Variants in TSPAN8 observed in about 807,000 individuals in gnomAD.
The protein encoded by TSPAN8 is tetraspanin-8.
TSPAN8 carries 21 observed loss-of-function variants against 32.8 expected under a neutral mutation model. The ratio of observed to expected loss-of-function variants is 0.64; its 90% CI spans 0.45 to 0.92. The LOEUF (loss-of-function observed/expected upper bound fraction) is 0.92. Among genes scored for constraint, TSPAN8 ranks in the 40% least tolerant of loss-of-function variants. The probability of loss-of-function intolerance (pLI) is 0.00; values close to 1 mark genes in which losing one functional copy is unlikely to be tolerated. For synonymous variants in TSPAN8, 95 were observed against 94.6 expected (o/e 1.00, Z -0.03); for missense variants, 269 against 281.9 (o/e 0.95, Z 0.33).
intron 7 of TSPAN8, among the ~76,000 whole-genome samples, chr12:71,129,786 A>T (rs1310277417): frequency 1.3e-5 from 2 of 152,164 alleles, no homozygotes; most frequent in African/African-American, 4.8e-5. Flanking sequence ...AAAAGTATAA[A>T]TCATAATTTT....
intron 2 of TSPAN8, among the ~76,000 whole-genome samples, chr12:71,153,890 A>C (rs911561405): frequency 6.6e-6 from 1 of 152,222 alleles, no homozygotes. Flanking sequence ...TGTAAATCCG[A>C]CCACATATGC....
Position 71,157,801 on chromosome 12 carries a change from A to G in TSPAN8, c.-109-14T>C. The G allele has an allele frequency of 5.5e-6, 4 of 724,994 alleles. No homozygotes were observed. The highest frequency in any genetic ancestry group is 3.4e-5 in the South Asian group (2 of 59,600). The allele number at this position is 724,994 out of a possible 1,614,324, so 44.9% of individuals were successfully genotyped here. ...CTGTATCCACGGCTTCAGAGCAGAA[A>G]GAGAAAGCAAAGAAGTAGAGGGAGG... On this transcript the variant is annotated splice_polypyrimidine_tract_variant and intron_variant, in intron 1 of 8. Transcript: ENST00000247829.
Position 71,157,707 on chromosome 12 carries a change from C to T in TSPAN8, c.-29G>A, listed in dbSNP as rs186972804. ...GGAAAAGGATTAGGAATCCAGATGC[C>T]GTGAATTTAACTATTCGTTACAGGC... On this transcript the variant is annotated 5_prime_UTR_variant, in exon 2 of 9. Transcript: ENST00000247829. 296 of 1,582,700 alleles carry T rather than the reference C, an allele frequency of 1.9e-4. 2 individuals are homozygous for T. The African/African-American group carries it at 3.5e-3, about 19-fold the overall frequency.
chr12:71,129,447 C>T lies in TSPAN8; in HGVS notation c.577-33G>A, dbSNP rs754203583. On this transcript the variant is annotated intron_variant, in intron 7 of 8. Coordinates refer to ENST00000247829, the MANE Select transcript of TSPAN8 (RefSeq NM_004616.3). The stretch of plus-strand genomic sequence containing the variant: ...AAAAAAAAAACATTAAAAGTTACCT[C>T]TCAGAAAAATTCGACCTTATATTAA... 5.3e-5 allele frequency: 82 copies of T among 1,533,274 alleles called. 1 individual carries two copies. The highest frequency in any genetic ancestry group is 6.1e-6 in the Non-Finnish European group (7 of 1,143,760). The allele number at this position is 1,533,274 out of a possible 1,614,324, so 95.0% of individuals were successfully genotyped here.
intron 5 of TSPAN8, 22 bp from the exon 6 acceptor site, chr12:71,138,082 A>T (rs1871770693): frequency 6.2e-7 from 1 of 1,612,208 alleles, no homozygotes; most frequent in Non-Finnish European, 8.5e-7. Context: ...AAAGTATTTT[A>T]CATTATTCAC....
intron 2 of TSPAN8, among the ~76,000 whole-genome samples, chr12:71,148,208 C>G (rs909679047): frequency 9.9e-5 from 15 of 152,122 alleles, no homozygotes. Context: ...TCCATTTTTA[C>G]TTATACCTTA....
At chr12:71,141,924 G>C (rs1224084278) in intron 3 of TSPAN8, among the ~76,000 whole-genome samples, 1 of 152,170 alleles carries the variant, frequency 6.6e-6, no homozygotes, top group African/African-American at 2.4e-5. Flanking sequence ...CCTGGGACAA[G>C]GATGGCTGCT....
At position 71,157,967 on chromosome 12, in the gene TSPAN8, T is replaced by C; in HGVS notation, c.-147A>G. 2.7e-6 allele frequency: 1 copy of C among 376,150 alleles called. No individual in the cohort carries two copies. The highest frequency in any genetic ancestry group is 4.9e-5 in the South Asian group (1 of 20,240). 23.3% of individuals were successfully genotyped at this position (376,150 alleles called of 1,614,324 possible). A position where few individuals can be genotyped will look rare whatever the true frequency, so the allele number is the denominator to read the frequency against. ...CGCAAAGGCTATCTCCAGGCAAGTA[T>C]GTTCCTTTGCTTGTCATAGCTCCTG... On this transcript the variant is annotated 5_prime_UTR_variant, in exon 1 of 9. Coordinates refer to ENST00000247829, the MANE Select transcript of TSPAN8 (RefSeq NM_004616.3).
chr12:71,132,954 C>T (rs2137048078), intron 6 of TSPAN8, 130 bp from the exon 7 acceptor site: 1 of 1,084,586 alleles, frequency 9.2e-7, no homozygotes, highest in Non-Finnish European at 1.3e-6. Flanking sequence ...AGTCACCTTT[C>T]ACCTTTCTCT....
At position 71,125,383 on chromosome 12, in the gene TSPAN8, A is replaced by C. The variant is rs1424716198; in HGVS notation, c.665T>G (p.Leu222Arg). ...CAGGACCATAGAAAACACCAAACCCAGTATCTAGAGAACAAAATAACAGGA... is the reference window on the plus strand; with the variant it reads ...CAGGACCATAGAAAACACCAAACCCCGTATCTAGAGAACAAAATAACAGGA... ...ISFGLAVIEI[L>R]GLVFSMVLYC... The change falls in exon 9 of 9, where the codon CTG becomes CGG. Residue 222 changes from leucine (L) to arginine (R), a missense_variant. Leu to Arg is a moderately radical substitution (Grantham distance 102, BLOSUM62 -2). Transcript: ENST00000247829. The C allele has an allele frequency of 2.5e-6, 4 of 1,611,854 alleles. No homozygotes were observed. Among genetic ancestry groups the C allele is most frequent in the Non-Finnish European group, 2.5e-6 (3 of 1,179,152 alleles).
chr12:71,142,096 C>A (rs1408726285), intron 3 of TSPAN8, among the ~76,000 whole-genome samples: 1 of 152,140 alleles, frequency 6.6e-6, no homozygotes, highest in Non-Finnish European at 1.5e-5. Flanking sequence ...TTTTCACTAA[C>A]AAAAAATTCA....
intron 8 of TSPAN8, among the ~76,000 whole-genome samples, chr12:71,126,568 CA>C (rs1485711331): frequency 2.0e-5 from 3 of 151,126 alleles, no homozygotes; most frequent in African/African-American, 4.9e-5. Context: ...TATGATTGTT[CA>C]AAAAAAAGCA....
chr12:71,131,034 A>G (rs1871504672), intron 7 of TSPAN8, among the ~76,000 whole-genome samples: 1 of 152,182 alleles, frequency 6.6e-6, no homozygotes, highest in African/African-American at 2.4e-5. Flanking sequence ...TTTTAGAATA[A>G]TTCCAGGGGC....
intron 6 of TSPAN8, among the ~76,000 whole-genome samples, chr12:71,134,028 T>C (rs1871603907): frequency 6.6e-6 from 1 of 152,196 alleles, no homozygotes. Flanking sequence ...ATTTATTTAT[T>C]ACATTAATAA....
chr12:71,142,388 T>C (rs1871929538), intron 3 of TSPAN8, among the ~76,000 whole-genome samples: 1 of 152,116 alleles, frequency 6.6e-6, no homozygotes, highest in Non-Finnish European at 1.5e-5. Flanking sequence ...ACCAAATTTG[T>C]TTACCAGAAG....
chr12:71,157,529 T>G, intron 2 of TSPAN8, 90 bp downstream of exon 2: 1 of 860,452 alleles, frequency 1.2e-6, no homozygotes, highest in Non-Finnish European at 1.9e-6. Flanking sequence ...TTCTCTTATT[T>G]CTCTAGTGTA....
At chr12:71,128,931 T>C (rs568847631) in intron 8 of TSPAN8, among the ~76,000 whole-genome samples, 12 of 152,282 alleles carry the variant, frequency 7.9e-5, no homozygotes, top group African/African-American at 2.4e-4. Context: ...AAAATCAAGA[T>C]GAGAAATAAG....
intron 2 of TSPAN8, among the ~76,000 whole-genome samples, chr12:71,149,866 C>T (rs112888927): frequency 1.3e-5 from 2 of 152,138 alleles, no homozygotes; most frequent in African/African-American, 2.4e-5. Context: ...GGGAAGACAA[C>T]CATAAGGTCT....
chr12:71,125,485 T>C (rs1871323670), intron 8 of TSPAN8, 98 bp from the exon 9 acceptor site: 1 of 1,027,610 alleles, frequency 9.7e-7, no homozygotes, highest in African/African-American at 1.6e-5. Context: ...AAAGATTTTG[T>C]ATATTGACAG....
Sources: allele counts gnomAD v4.1 joint callset (sites outside exome capture counted in the v4.1 genomes callset), GRCh38; gene constraint gnomAD v4.1.1; transcripts MANE v1.5; gene names NCBI Gene and HGNC (gene_info 2026-07-23, HGNC 2026-07-21).